The following CNTN4 variants were observed in gnomAD, a reference collection of about 807,000 sequenced individuals.
The protein encoded by CNTN4 is contactin 4.
Under a neutral mutation model 122.5 loss-of-function variants are expected in CNTN4, and 77 were observed. The observed-to-expected ratio is 0.63, with a 90% CI of 0.52 to 0.76. The LOEUF is 0.76. Among genes scored for constraint, CNTN4 ranks in the 30% least tolerant of loss-of-function variants. The probability of loss-of-function intolerance (pLI) is 0.00; values close to 1 mark genes in which losing one functional copy is unlikely to be tolerated. For missense variants in CNTN4, 1,256 were observed against 1,259.1 expected (o/e 1.00, Z 0.04); for synonymous variants, 512 against 447.0 (o/e 1.15, Z -1.83).
intron 2 of CNTN4, among the ~76,000 whole-genome samples, chr3:2,195,107 C>T (rs2037775638): frequency 6.6e-6 from 1 of 152,206 alleles, no homozygotes; most frequent in African/African-American, 2.4e-5. Context: ...ATCCTACTAT[C>T]CTTATACTCT....
At chr3:2,778,574 A>C (rs1422124726) in intron 6 of CNTN4, among the ~76,000 whole-genome samples, 1 of 152,190 alleles carries the variant, frequency 6.6e-6, no homozygotes, top group Non-Finnish European at 1.5e-5. Flanking sequence ...ATTTACTCTA[A>C]CCATGACTAC....
intron 2 of CNTN4, among the ~76,000 whole-genome samples, chr3:2,111,668 A>T (rs1355445415): frequency 1.3e-5 from 2 of 152,142 alleles, no homozygotes; most frequent in African/African-American, 4.8e-5. Context: ...TAAAGTTAGT[A>T]TGTAACATCA....
chr3:2,383,034 C>T (rs532095327), intron 3 of CNTN4, among the ~76,000 whole-genome samples: 13 of 151,096 alleles, frequency 8.6e-5, no homozygotes, highest in African/African-American at 3.2e-4. Flanking sequence ...GAGATTGTGC[C>T]ACTGCACTCC....
intron 4 of CNTN4, among the ~76,000 whole-genome samples, chr3:2,581,841 C>A (rs1264101825): frequency 1.3e-5 from 2 of 152,180 alleles, no homozygotes; most frequent in African/African-American, 2.4e-5. Context: ...AGTACTGATA[C>A]TACAACATGG....
intron 4 of CNTN4, among the ~76,000 whole-genome samples, chr3:2,619,494 T>C (rs1156560707): frequency 1.3e-5 from 2 of 152,356 alleles, no homozygotes; most frequent in East Asian, 3.9e-4. Context: ...TATACCTTTA[T>C]TTTGTGTTTC....
At chr3:2,600,948 C>T (rs2081016401) in intron 4 of CNTN4, among the ~76,000 whole-genome samples, 1 of 152,100 alleles carries the variant, frequency 6.6e-6, no homozygotes, top group Admixed American at 6.5e-5. Flanking sequence ...TCTCTGATGG[C>T]CAGTGATGAT....
intron 2 of CNTN4, among the ~76,000 whole-genome samples, chr3:2,308,260 T>C (rs1444029941): frequency 6.6e-6 from 1 of 152,064 alleles, no homozygotes. Flanking sequence ...TATCCCCCCT[T>C]TTATTCTCAA....
At chr3:2,706,989 T>C (rs187746817) in intron 4 of CNTN4, among the ~76,000 whole-genome samples, 13 of 152,166 alleles carry the variant, frequency 8.5e-5, no homozygotes, top group Non-Finnish European at 1.5e-4. Context: ...TGTGTGTGTG[T>C]GTGTATGTAA....
chr3:2,590,904 A>G (rs1297461402), intron 4 of CNTN4, among the ~76,000 whole-genome samples: 3 of 152,148 alleles, frequency 2.0e-5, no homozygotes, highest in Non-Finnish European at 4.4e-5. Context: ...TATAATTGAC[A>G]TGCAATAAAC....
At chr3:2,670,802 C>A (rs1336703807) in intron 4 of CNTN4, among the ~76,000 whole-genome samples, 1 of 152,220 alleles carries the variant, frequency 6.6e-6, no homozygotes. Context: ...GTGACAAAAT[C>A]TCTCAGCATT....
At chr3:2,963,751 A>G (rs1159311162) in intron 13 of CNTN4, among the ~76,000 whole-genome samples, 2 of 152,108 alleles carry the variant, frequency 1.3e-5, no homozygotes, top group Non-Finnish European at 1.5e-5. Context: ...GCACTAACTT[A>G]TCACATTCAT....
At chr3:2,500,971 C>G (rs1020215536) in intron 3 of CNTN4, among the ~76,000 whole-genome samples, 3 of 152,094 alleles carry the variant, frequency 2.0e-5, no homozygotes, top group Non-Finnish European at 2.9e-5. Flanking sequence ...TAAAATTGTA[C>G]TCTCTGCTCT....
chr3:2,113,460 G>C (rs546365048), intron 2 of CNTN4, among the ~76,000 whole-genome samples: 1 of 152,318 alleles, frequency 6.6e-6, no homozygotes, highest in South Asian at 2.1e-4. Flanking sequence ...TCCTCACGCA[G>C]ATGCACTGTA....
chr3:2,459,452 G>A (rs771842311), intron 3 of CNTN4, among the ~76,000 whole-genome samples: 1 of 152,040 alleles, frequency 6.6e-6, no homozygotes, highest in African/African-American at 2.4e-5. Context: ...GGCATTTTCA[G>A]TCCCATCATT....
At chr3:2,607,353 C>T (rs1459792697) in intron 4 of CNTN4, among the ~76,000 whole-genome samples, 1 of 152,136 alleles carries the variant, frequency 6.6e-6, no homozygotes, top group East Asian at 1.9e-4. Context: ...TTCACCAAGG[C>T]ATCATTTGTA....
chr3:2,384,456 A>G (rs1157772714), intron 3 of CNTN4, among the ~76,000 whole-genome samples: 2 of 152,206 alleles, frequency 1.3e-5, no homozygotes, highest in Non-Finnish European at 2.9e-5. Flanking sequence ...AAGCAAGGGA[A>G]ACTGCTTAGA....
At chr3:2,797,927 T>TTTTTG (rs1286062616) in intron 6 of CNTN4, among the ~76,000 whole-genome samples, 82 of 151,742 alleles carry the variant, frequency 5.4e-4, no homozygotes, top group Non-Finnish European at 7.5e-4. Context: ...AGTATTTTTT[T>TTTTTG]TTTTTTTTTG....
chr3:2,745,806 C>A, intron 6 of CNTN4, 109 bp downstream of exon 6: 1 of 955,628 alleles, frequency 1.0e-6, no homozygotes, highest in Non-Finnish European at 1.6e-6. Flanking sequence ...TAATTGGTTA[C>A]ATGATCATCT....
At chr3:2,774,609 C>G (rs2091241776) in intron 6 of CNTN4, among the ~76,000 whole-genome samples, 2 of 152,086 alleles carry the variant, frequency 1.3e-5, no homozygotes, top group Admixed American at 6.5e-5. Flanking sequence ...GGAAAACCTT[C>G]AAGAATAGCT....
Sources: allele counts gnomAD v4.1 joint callset (sites outside exome capture counted in the v4.1 genomes callset), GRCh38; gene constraint gnomAD v4.1.1; transcripts MANE v1.5; gene names NCBI Gene and HGNC (gene_info 2026-07-23, HGNC 2026-07-21).